DAB1: variants seen among roughly 807,000 people sequenced by gnomAD.
DAB1 encodes DAB adaptor protein 1, also known as disabled homolog 1.
Under a neutral mutation model 64.6 loss-of-function variants are expected in DAB1, and 15 were observed. The observed-to-expected ratio is 0.23, with a 90% CI of 0.16 to 0.36. The LOEUF (loss-of-function observed/expected upper bound fraction) is 0.36. DAB1 is among the 10% of genes least tolerant of loss of function. DAB1 has a pLI of 1.00. For missense variants in DAB1, 596 were observed against 706.7 expected, an observed-to-expected ratio of 0.84 and a Z score of 1.78; for synonymous variants, 235 against 251.9, an observed-to-expected ratio of 0.93 and a Z score of 0.64.
At chr1:57,912,127 GTC>G (rs1644654550) in intron 5 of DAB1, among the ~76,000 whole-genome samples, 1 of 152,162 alleles carries the variant, frequency 6.6e-6, no homozygotes, top group African/African-American at 2.4e-5. Context: ...TAAAAGTGAT[GTC>G]TGCTAACTCC....
chr1:58,300,407 C>T (rs947283353), intron 4 of DAB1, among the ~76,000 whole-genome samples: 11 of 151,454 alleles, frequency 7.3e-5, no homozygotes, highest in Non-Finnish European at 1.5e-4. Flanking sequence ...ATTAGCCAGG[C>T]GTAGTGGCGG....
At chr1:57,743,227 A>T (rs1648086960) in intron 6 of DAB1, among the ~76,000 whole-genome samples, 1 of 152,208 alleles carries the variant, frequency 6.6e-6, no homozygotes, top group Non-Finnish European at 1.5e-5. Context: ...CCACAAAAGA[A>T]GTAAAAATAG....
chr1:58,032,165 C>A (rs2100483084), intron 5 of DAB1, among the ~76,000 whole-genome samples: 1 of 152,144 alleles, frequency 6.6e-6, no homozygotes, highest in African/African-American at 2.4e-5. Context: ...GAGTTGGAAT[C>A]TGCATTTTAA....
intron 5 of DAB1, among the ~76,000 whole-genome samples, chr1:58,025,663 A>ATG (rs1365167411): frequency 1.4e-5 from 2 of 140,248 alleles, no homozygotes; most frequent in African/African-American, 5.4e-5. Flanking sequence ...ATATATATAT[A>ATG]TATATATATA....
chr1:58,037,825 G>A (rs1647068951), intron 5 of DAB1, among the ~76,000 whole-genome samples: 1 of 152,074 alleles, frequency 6.6e-6, no homozygotes, highest in Admixed American at 6.6e-5. Context: ...TTTTTCCTGG[G>A]AAAGCTTCCT....
At chr1:58,316,812 C>G (rs1237719884) in intron 4 of DAB1, among the ~76,000 whole-genome samples, 2 of 152,276 alleles carry the variant, frequency 1.3e-5, no homozygotes, top group African/African-American at 4.8e-5. Context: ...CTTCCCAGTA[C>G]CTCACACTGG....
intron 5 of DAB1, among the ~76,000 whole-genome samples, chr1:57,905,101 C>T (rs1644531507): frequency 6.6e-6 from 1 of 151,790 alleles, no homozygotes; most frequent in Non-Finnish European, 1.5e-5. Flanking sequence ...AAATAGGTAC[C>T]ATTATTATGT....
chr1:58,131,508 C>T (rs1281656666), intron 5 of DAB1, among the ~76,000 whole-genome samples: 9 of 146,002 alleles, frequency 6.2e-5, no homozygotes, highest in Non-Finnish European at 9.1e-5. Flanking sequence ...TGAGGAACTG[C>T]GTTCCTTTGG....
In DAB1 at chr1:56,997,458, T is replaced by G. The variant is rs1335009396; in HGVS notation, c.*686A>C. On this transcript the variant is annotated 3_prime_UTR_variant, in exon 15 of 15. Transcript: ENST00000371236. ...ATTTGTCTTGTAATTTCAAGTTAAT[T>G]CATTTCACTGAGGCTTTTTTTCTCC... 6.6e-6 allele frequency: 1 copy of G among 152,222 alleles called. No individual in the cohort carries two copies. The highest frequency in any genetic ancestry group is 1.5e-5 in the Non-Finnish European group (1 of 68,040). The allele number at this position is 152,222 out of a possible 1,614,324, so 9.4% of individuals were successfully genotyped here.
chr1:57,530,621 TG>T (rs1363979080), intron 7 of DAB1, among the ~76,000 whole-genome samples: 1 of 151,960 alleles, frequency 6.6e-6, no homozygotes, highest in Non-Finnish European at 1.5e-5. Flanking sequence ...AAATATTACT[TG>T]GGGAACCAAG....
intron 7 of DAB1, among the ~76,000 whole-genome samples, chr1:57,442,225 TA>T (rs890747213): frequency 6.6e-6 from 1 of 152,232 alleles, no homozygotes; most frequent in Non-Finnish European, 1.5e-5. Flanking sequence ...AATTGTTAAA[TA>T]AAATAATATT....
At chr1:57,782,903 A>G (rs772969946) in intron 6 of DAB1, among the ~76,000 whole-genome samples, 1 of 152,130 alleles carries the variant, frequency 6.6e-6, no homozygotes, top group African/African-American at 2.4e-5. Context: ...CAATGTATGG[A>G]AACAGAAAGT....
chr1:58,097,770 C>T (rs1458980103), intron 5 of DAB1, among the ~76,000 whole-genome samples: 1 of 152,132 alleles, frequency 6.6e-6, no homozygotes, highest in East Asian at 1.9e-4. Context: ...TCTCTCAGCT[C>T]AACTGCTGTG....
At chr1:58,052,027 G>A (rs966254233) in intron 5 of DAB1, among the ~76,000 whole-genome samples, 12 of 152,074 alleles carry the variant, frequency 7.9e-5, no homozygotes, top group Admixed American at 2.6e-4. Context: ...TTCTTTTGCC[G>A]TGCAGAAGCT....
At chr1:57,771,695 T>C (rs1172920092) in intron 6 of DAB1, among the ~76,000 whole-genome samples, 3 of 152,104 alleles carry the variant, frequency 2.0e-5, no homozygotes, top group South Asian at 2.1e-4. Context: ...ATATAGAACA[T>C]GTACCTCACT....
intron 11 of DAB1, among the ~76,000 whole-genome samples, chr1:57,018,043 A>C (rs1312496407): frequency 2.0e-5 from 3 of 152,220 alleles, no homozygotes; most frequent in Non-Finnish European, 4.4e-5. Context: ...ACCAATGCGT[A>C]CGACAAAGCA....
intron 4 of DAB1, among the ~76,000 whole-genome samples, chr1:58,215,104 G>A (rs1255230012): frequency 6.6e-6 from 1 of 152,158 alleles, no homozygotes; most frequent in Non-Finnish European, 1.5e-5. Flanking sequence ...TGCATGTTTT[G>A]TAAGGTTGAC....
chr1:58,157,391 G>A (rs1655282621), intron 4 of DAB1, among the ~76,000 whole-genome samples: 1 of 152,108 alleles, frequency 6.6e-6, no homozygotes, highest in Non-Finnish European at 1.5e-5. Flanking sequence ...ATAATTTTGT[G>A]TACATTGTGC....
chr1:58,369,682 T>C (rs995455053), intron 3 of DAB1, among the ~76,000 whole-genome samples: 1 of 152,262 alleles, frequency 6.6e-6, no homozygotes. Context: ...ATTTCTATTT[T>C]ACAGACTAAG....
Sources: gnomAD v4.1 joint callset for allele counts (sites outside exome capture counted in the v4.1 genomes callset) on GRCh38, gnomAD v4.1.1 for gene constraint, MANE v1.5 for transcripts, NCBI Gene and HGNC (gene_info 2026-07-23, HGNC 2026-07-21) for gene names.